The following LRP1B variants were observed in gnomAD, a reference collection of about 807,000 sequenced individuals.
The protein encoded by LRP1B is LDL receptor related protein 1B, also known as low-density lipoprotein receptor-related protein 1B.
A neutral mutation model predicts 556.6 loss-of-function variants in LRP1B; 217 were observed. That is an observed-to-expected ratio of 0.39 (90% CI 0.35 to 0.44). The LOEUF (loss-of-function observed/expected upper bound fraction) is 0.44, where lower values mean the gene tolerates loss of function less well. Ranked by LOEUF, LRP1B falls within the 20% of genes least tolerant of loss-of-function variation. The pLI is 1.00. For synonymous variants in LRP1B, 2,047 were observed against 1,865.8 expected (o/e 1.10, Z -2.50); for missense variants, 5,053 against 5,620.8 (o/e 0.90, Z 3.23).
intron 6 of LRP1B, among the ~76,000 whole-genome samples, chr2:141,219,108 C>A (rs1484001993): frequency 6.6e-6 from 1 of 152,210 alleles, no homozygotes; most frequent in Non-Finnish European, 1.5e-5. Flanking sequence ...TGTGAGTCCA[C>A]CCCACCAGGG....
chr2:140,476,716 TG>T (rs1446750246), intron 59 of LRP1B, among the ~76,000 whole-genome samples: 2 of 151,982 alleles, frequency 1.3e-5, no homozygotes, highest in African/African-American at 2.4e-5. Flanking sequence ...TAATGAAGTA[TG>T]GTGCTTAAAA....
chr2:141,633,581 T>C (rs1026919280), intron 2 of LRP1B, among the ~76,000 whole-genome samples: 2 of 152,084 alleles, frequency 1.3e-5, no homozygotes, highest in African/African-American at 4.8e-5. Context: ...TTTAATAGCC[T>C]TTCTATGCTT....
intron 11 of LRP1B, among the ~76,000 whole-genome samples, chr2:141,022,962 T>A (rs1411024499): frequency 2.0e-5 from 3 of 151,886 alleles, no homozygotes; most frequent in African/African-American, 7.2e-5. Context: ...AAATACCCAT[T>A]TTCATGCATC....
At chr2:141,971,092 A>T (rs1574545852) in intron 1 of LRP1B, among the ~76,000 whole-genome samples, 4 of 151,656 alleles carry the variant, frequency 2.6e-5, no homozygotes, top group Admixed American at 2.6e-4. Flanking sequence ...CTGACAACCC[A>T]AACCTTAAGG....
intron 1 of LRP1B, among the ~76,000 whole-genome samples, chr2:142,042,638 A>G (rs1468434016): frequency 6.6e-6 from 1 of 151,510 alleles, no homozygotes; most frequent in Non-Finnish European, 1.5e-5. Context: ...TTAGCTATAT[A>G]TACTAGGTTC....
rs67213971 is a variant in LRP1B, at chr2:141,304,475, A to AT, written c.344-49835dup. ...AGAAAGTAGGAGTCCAGTTTCATTC[A>AT]TTTTTTTTTTTTTTTTTTTTTTGAG... On this transcript the variant is annotated intron_variant, in intron 3 of 90. Transcript: ENST00000389484. Among the ~76,000 whole-genome samples, 577 of 83,850 alleles carry AT rather than the reference A, an allele frequency of 6.9e-3. 17 individuals carry two copies. Among genetic ancestry groups the AT allele is most frequent in the African/African-American group, 0.024 (512 of 21,576 alleles). The allele number at this position is 83,850 out of a possible 152,430, so 55.0% of individuals were successfully genotyped here.
At chr2:141,733,413 G>A (rs896450958) in intron 2 of LRP1B, among the ~76,000 whole-genome samples, 2 of 151,992 alleles carry the variant, frequency 1.3e-5, no homozygotes, top group African/African-American at 4.8e-5. Context: ...CTTCGCTCGG[G>A]TTTAGCATCT....
At chr2:141,980,637 A>G (rs1231913536) in intron 1 of LRP1B, among the ~76,000 whole-genome samples, 1 of 152,132 alleles carries the variant, frequency 6.6e-6, no homozygotes, top group African/African-American at 2.4e-5. Flanking sequence ...AGAGTATAAG[A>G]CAAATCAATA....
intron 37 of LRP1B, among the ~76,000 whole-genome samples, chr2:140,704,659 C>A (rs1014022793): frequency 6.6e-6 from 1 of 152,040 alleles, no homozygotes; most frequent in Non-Finnish European, 1.5e-5. Context: ...CTACACTTAA[C>A]TTTTTAAGGA....
intron 72 of LRP1B, among the ~76,000 whole-genome samples, chr2:140,363,276 A>G (rs1682603941): frequency 6.6e-6 from 1 of 151,616 alleles, no homozygotes. Flanking sequence ...ACTGAGAGAA[A>G]CGCAAAAATG....
intron 31 of LRP1B, among the ~76,000 whole-genome samples, chr2:140,820,285 T>C (rs1455641746): frequency 2.0e-5 from 3 of 152,170 alleles, no homozygotes; most frequent in African/African-American, 7.2e-5. Flanking sequence ...TGGCCTACAT[T>C]AATTTTTTTA....
chr2:141,196,790 G>T (rs1296566317), intron 6 of LRP1B, among the ~76,000 whole-genome samples: 1 of 152,054 alleles, frequency 6.6e-6, no homozygotes, highest in Non-Finnish European at 1.5e-5. Flanking sequence ...AACTGCAACG[G>T]TTTACTCCTT....
chr2:142,066,946 T>G (rs182963047), intron 1 of LRP1B, among the ~76,000 whole-genome samples: 1 of 151,560 alleles, frequency 6.6e-6, no homozygotes, highest in Non-Finnish European at 1.5e-5. Context: ...GTCTGCAGGG[T>G]TATGGTCCCT....
At chr2:140,825,079 TA>T (rs1177512999) in intron 31 of LRP1B, among the ~76,000 whole-genome samples, 1 of 152,048 alleles carries the variant, frequency 6.6e-6, no homozygotes, top group East Asian at 1.9e-4. Context: ...ATAACAGAGC[TA>T]AAAAGTAAAA....
At chr2:140,502,190 T>A (rs1689229672) in intron 54 of LRP1B, among the ~76,000 whole-genome samples, 1 of 152,044 alleles carries the variant, frequency 6.6e-6, no homozygotes, top group Admixed American at 6.6e-5. Context: ...TTCAAAAGTT[T>A]AATGATAGTT....
chr2:140,804,368 G>A (rs1690635054), intron 32 of LRP1B, among the ~76,000 whole-genome samples: 1 of 151,992 alleles, frequency 6.6e-6, no homozygotes, highest in African/African-American at 2.4e-5. Context: ...ATCTTAAGAA[G>A]TAGAAAAAAG....
intron 2 of LRP1B, among the ~76,000 whole-genome samples, chr2:141,676,962 A>G (rs1269022663): frequency 1.3e-5 from 2 of 152,160 alleles, no homozygotes; most frequent in Non-Finnish European, 2.9e-5. Flanking sequence ...TTATATAACT[A>G]TAGTCTGTGG....
intron 1 of LRP1B, among the ~76,000 whole-genome samples, chr2:142,065,407 T>C (rs1705075155): frequency 6.6e-6 from 1 of 151,108 alleles, no homozygotes; most frequent in Admixed American, 6.6e-5. Context: ...GAATGGCTAA[T>C]TGATGCCTTC....
At chr2:141,270,054 G>T (rs1685032051) in intron 3 of LRP1B, among the ~76,000 whole-genome samples, 1 of 151,810 alleles carries the variant, frequency 6.6e-6, no homozygotes, top group Admixed American at 6.6e-5. Context: ...ACACAATAAG[G>T]AATTAATATT....
Sources: gnomAD v4.1 joint callset for allele counts (sites outside exome capture counted in the v4.1 genomes callset) on GRCh38, gnomAD v4.1.1 for gene constraint, MANE v1.5 for transcripts, NCBI Gene and HGNC (gene_info 2026-07-23, HGNC 2026-07-21) for gene names.